Variants in NELL2 observed in about 807,000 individuals in gnomAD.
NELL2 encodes protein kinase C-binding protein NELL2.
A neutral mutation model predicts 109.6 loss-of-function variants in NELL2; 41 were observed. The observed-to-expected ratio is 0.37, with a 90% CI of 0.29 to 0.49. The LOEUF (loss-of-function observed/expected upper bound fraction) is 0.49. Among genes scored for constraint, NELL2 ranks in the 20% least tolerant of loss-of-function variants. The pLI, the probability that NELL2 is intolerant of heterozygous loss-of-function variation, is 0.98. For missense variants in NELL2, 900 were observed against 1,008.3 expected, an observed-to-expected ratio of 0.89 and a Z score of 1.45; for synonymous variants, 355 against 344.7, an observed-to-expected ratio of 1.03 and a Z score of -0.33.
At chr12:44,883,793 T>C (rs1945441807) in intron 1 of NELL2, among the ~76,000 whole-genome samples, 1 of 152,002 alleles carries the variant, frequency 6.6e-6, no homozygotes. Context: ...CATAATTCTC[T>C]AGAGCACCAA....
At chr12:44,920,664 T>A (rs1945862084) in intron 1 of NELL2, among the ~76,000 whole-genome samples, 1 of 152,222 alleles carries the variant, frequency 6.6e-6, no homozygotes, top group Non-Finnish European at 1.5e-5. Context: ...CAAATTAAAT[T>A]TAAATTCTTA....
At chr12:44,799,457 G>A (rs777805650) in intron 3 of NELL2, among the ~76,000 whole-genome samples, 1 of 151,940 alleles carries the variant, frequency 6.6e-6, no homozygotes, top group Non-Finnish European at 1.5e-5. Flanking sequence ...AAATAAAGAA[G>A]TATAACCCTT....
chr12:44,711,947 A>C (rs1389760177), intron 10 of NELL2, among the ~76,000 whole-genome samples: 1 of 152,070 alleles, frequency 6.6e-6, no homozygotes, highest in African/African-American at 2.4e-5. Flanking sequence ...CATAATTGGC[A>C]CTTAAAAAAT....
intron 3 of NELL2, among the ~76,000 whole-genome samples, chr12:44,811,990 A>C (rs556563958): frequency 5.3e-5 from 8 of 152,062 alleles, no homozygotes; most frequent in Admixed American, 3.3e-4. Flanking sequence ...TCTTCCCCCC[A>C]AAAAAACCCA....
chr12:44,539,071 A>G (rs1303113845), intron 15 of NELL2, among the ~76,000 whole-genome samples: 1 of 151,984 alleles, frequency 6.6e-6, no homozygotes, highest in Non-Finnish European at 1.5e-5. Flanking sequence ...ACTATATTTG[A>G]TCTCCTATTA....
At chr12:44,620,182 A>T (rs942845371) in intron 13 of NELL2, among the ~76,000 whole-genome samples, 1 of 151,520 alleles carries the variant, frequency 6.6e-6, no homozygotes, top group African/African-American at 2.4e-5. Context: ...ATATAAAGGC[A>T]AGGACCATCT....
chr12:44,785,012 G>A (rs1295531647), intron 3 of NELL2, among the ~76,000 whole-genome samples: 1 of 152,114 alleles, frequency 6.6e-6, no homozygotes, highest in Non-Finnish European at 1.5e-5. Flanking sequence ...ATTCAACACC[G>A]TATTGGAAGT....
chr12:44,819,407 T>G (rs1327931582), intron 2 of NELL2, among the ~76,000 whole-genome samples: 1 of 152,256 alleles, frequency 6.6e-6, no homozygotes, highest in African/African-American at 2.4e-5. Flanking sequence ...TAAACTACCT[T>G]TCCCAAATCA....
At chr12:44,847,636 T>TA (rs992790604) in intron 2 of NELL2, among the ~76,000 whole-genome samples, 7 of 149,812 alleles carry the variant, frequency 4.7e-5, no homozygotes, top group South Asian at 2.1e-4. Flanking sequence ...AGCGAGAAGT[T>TA]AAAAAAAAAA....
intron 13 of NELL2, among the ~76,000 whole-genome samples, chr12:44,640,009 C>T (rs143031112): frequency 1.3e-3 from 195 of 152,228 alleles, no homozygotes; most frequent in Non-Finnish European, 2.3e-3. Context: ...ATATACCTGG[C>T]TGTCACTATT....
At chr12:44,742,220 C>G (rs2136501173) in intron 9 of NELL2, among the ~76,000 whole-genome samples, 1 of 152,282 alleles carries the variant, frequency 6.6e-6, no homozygotes, top group South Asian at 2.1e-4. Flanking sequence ...AGACCTCTAG[C>G]AAACTCCAAC....
At chr12:44,698,928 C>G (rs1034981903) in intron 12 of NELL2, among the ~76,000 whole-genome samples, 1 of 152,160 alleles carries the variant, frequency 6.6e-6, no homozygotes, top group South Asian at 2.1e-4. Flanking sequence ...TCCCCAGCAA[C>G]TATTATGCAC....
In NELL2 at chr12:44,777,303, T is replaced by G; in HGVS notation, c.618A>C (p.Gln206His). 1 of 1,613,304 alleles carries G rather than the reference T, an allele frequency of 6.2e-7. No homozygotes were observed. Among genetic ancestry groups the G allele is most frequent in the Non-Finnish European group, 8.5e-7 (1 of 1,179,236 alleles). ...GGGGCATGACAAGTAATTGGACATCTTGCATTATACCCTGTGTGTGAAAAA... is the reference window on the plus strand; with the variant it reads ...GGGGCATGACAAGTAATTGGACATCGTGCATTATACCCTGTGTGTGAAAAA... Reference protein sequence around the residue: ...NAHGYFKGIMQDVQLLVMPQG... With the variant: ...NAHGYFKGIMHDVQLLVMPQG... Residue 206 changes from glutamine to histidine, a missense_variant, in exon 6 of 20, where the codon CAA (glutamine) becomes CAC (histidine). By Grantham distance (24) the Gln-to-His change is conservative. This residue lies in a region of NELL2 where 75 missense variants were observed against 118.9 expected (regional missense o/e 0.63). Coordinates refer to ENST00000429094, the MANE Select transcript of NELL2 (RefSeq NM_001145108.2).
intron 12 of NELL2, among the ~76,000 whole-genome samples, chr12:44,687,179 C>A (rs995276959): frequency 6.6e-6 from 1 of 152,222 alleles, no homozygotes; most frequent in Non-Finnish European, 1.5e-5. Flanking sequence ...CAGGTGCTGT[C>A]TGTCACCACT....
chr12:44,821,267 C>T (rs773631055), intron 2 of NELL2, among the ~76,000 whole-genome samples: 18 of 152,236 alleles, frequency 1.2e-4, no homozygotes, highest in Middle Eastern at 3.4e-3. Flanking sequence ...TCCATGTTCA[C>T]CCCAAAACAC....
intron 15 of NELL2, among the ~76,000 whole-genome samples, chr12:44,598,477 A>G (rs768574499): frequency 7.2e-5 from 11 of 152,218 alleles, no homozygotes; most frequent in Non-Finnish European, 1.6e-4. Flanking sequence ...TTCTCTCATC[A>G]TAAGTTTCAC....
At chr12:44,893,906 C>G (rs2136872476) in intron 1 of NELL2, among the ~76,000 whole-genome samples, 1 of 152,184 alleles carries the variant, frequency 6.6e-6, no homozygotes, top group African/African-American at 2.4e-5. Context: ...TGTGAATCAA[C>G]AGATTAAAGA....
At chr12:44,640,232 G>C (rs1048868580) in intron 13 of NELL2, among the ~76,000 whole-genome samples, 1 of 152,090 alleles carries the variant, frequency 6.6e-6, no homozygotes, top group Non-Finnish European at 1.5e-5. Context: ...TTGCACACTT[G>C]CTATGCACCA....
intron 9 of NELL2, among the ~76,000 whole-genome samples, chr12:44,751,932 TCA>T (rs1331146683): frequency 1.3e-5 from 2 of 151,552 alleles, no homozygotes; most frequent in African/African-American, 4.9e-5. Context: ...AAATATACAC[TCA>T]CACTAACAAT....
Sources: gnomAD v4.1 joint callset for allele counts (sites outside exome capture counted in the v4.1 genomes callset) on GRCh38, gnomAD v4.1.1 for gene constraint, gnomAD v4.1.1 regional missense constraint, MANE v1.5 for transcripts, NCBI Gene and HGNC (gene_info 2026-07-23, HGNC 2026-07-21) for gene names.